The following PEX7 variants were observed in gnomAD, a reference collection of about 807,000 sequenced individuals.
The protein encoded by PEX7 is peroxisomal biogenesis factor 7, also known as PTS2 receptor.
A neutral mutation model predicts 47.5 loss-of-function variants in PEX7; 34 were observed. That is an observed-to-expected ratio of 0.72 (90% CI 0.54 to 0.95). PEX7 has a LOEUF of 0.95. Ranked by LOEUF, PEX7 falls within the 40% of genes least tolerant of loss-of-function variation. The pLI, the probability that PEX7 is intolerant of heterozygous loss-of-function variation, is 0.00. For missense variants in PEX7, 394 were observed against 400.3 expected, an observed-to-expected ratio of 0.98 and a Z score of 0.13; for synonymous variants, 141 against 148.8, an observed-to-expected ratio of 0.95 and a Z score of 0.38.
intron 3 of PEX7, among the ~76,000 whole-genome samples, chr6:136,836,009 T>C (rs1465261682): frequency 6.6e-6 from 1 of 152,194 alleles, no homozygotes; most frequent in African/African-American, 2.4e-5. Context: ...ACAGTGTAGG[T>C]GTCAACACTA....
chr6:136,866,531 C>A, intron 5 of PEX7, 96 bp from the exon 6 acceptor site: 2 of 963,328 alleles, frequency 2.1e-6, no homozygotes, highest in Non-Finnish European at 3.3e-6. Context: ...ACACTGAAAG[C>A]AGTGTATTTT....
chr6:136,853,370 A>G (rs972150950), intron 5 of PEX7, among the ~76,000 whole-genome samples: 1 of 152,202 alleles, frequency 6.6e-6, no homozygotes, highest in Non-Finnish European at 1.5e-5. Flanking sequence ...TAGAGAACAG[A>G]AGACATTAGC....
chr6:136,834,607 T>C (rs1249165751), intron 3 of PEX7, among the ~76,000 whole-genome samples: 3 of 152,232 alleles, frequency 2.0e-5, no homozygotes, highest in East Asian at 1.9e-4. Context: ...TGTCCTTTGA[T>C]GTGCCTGGAG....
chr6:136,841,390 A>C (rs9494580), intron 3 of PEX7, among the ~76,000 whole-genome samples: 2,441 of 151,916 alleles, frequency 0.016, 75 homozygotes, highest in African/African-American at 0.056. Context: ...AGTGTTCACT[A>C]CCCCCGATCC....
chr6:136,879,964 G>A (rs891441449), intron 8 of PEX7, among the ~76,000 whole-genome samples: 1 of 152,056 alleles, frequency 6.6e-6, no homozygotes, highest in Non-Finnish European at 1.5e-5. Context: ...CTTCAGTTCA[G>A]TCAGGTCTGT....
intron 5 of PEX7, among the ~76,000 whole-genome samples, chr6:136,853,271 C>T (rs1372633362): frequency 6.6e-6 from 1 of 152,102 alleles, no homozygotes. Context: ...CGCCTGTGGC[C>T]CTTGACAGAA....
chr6:136,909,158 T>C (rs1031521689), intron 9 of PEX7, among the ~76,000 whole-genome samples: 1 of 152,216 alleles, frequency 6.6e-6, no homozygotes. Flanking sequence ...CAGAGGAGGT[T>C]CTTAATAAGT....
chr6:136,834,020 CAAAA>C (rs893503649), intron 3 of PEX7, among the ~76,000 whole-genome samples: 2 of 151,600 alleles, frequency 1.3e-5, no homozygotes, highest in Admixed American at 6.6e-5. Context: ...ACAACAACAA[CAAAA>C]AAAACAACCA....
chr6:136,830,031 A>C, intron 3 of PEX7: 1 of 716,382 alleles, frequency 1.4e-6, no homozygotes, highest in Non-Finnish European at 2.6e-6. Flanking sequence ...CTGTGTTGTG[A>C]AATAGAAGAG....
chr6:136,827,955 T>A, intron 3 of PEX7, among the ~76,000 whole-genome samples: 1 of 152,188 alleles, frequency 6.6e-6, no homozygotes, highest in South Asian at 2.1e-4. Context: ...TTATAATGTA[T>A]TTCTTTTCCT....
chr6:136,824,167 A>G (rs968157772), intron 1 of PEX7, among the ~76,000 whole-genome samples: 5 of 152,192 alleles, frequency 3.3e-5, no homozygotes, highest in Admixed American at 3.3e-4. Context: ...CTGAAGACTC[A>G]TGAGTCTATA....
intron 3 of PEX7, among the ~76,000 whole-genome samples, chr6:136,845,098 G>A (rs924682511): frequency 8.5e-5 from 13 of 152,200 alleles, no homozygotes; most frequent in African/African-American, 2.7e-4. Context: ...TTCACTGAGA[G>A]CAGTGAAGCA....
chr6:136,829,765 C>G (rs1413902661), intron 3 of PEX7, among the ~76,000 whole-genome samples: 1 of 152,076 alleles, frequency 6.6e-6, no homozygotes, highest in Admixed American at 6.5e-5. Flanking sequence ...GGCGAAAACC[C>G]CGCCTCTACT....
In PEX7 at chr6:136,841,048, T is replaced by A. The variant is rs575233793; in HGVS notation, c.340-4567T>A. On this transcript the variant is annotated intron_variant, in intron 3 of 9. Coordinates refer to ENST00000318471, the MANE Select transcript of PEX7 (RefSeq NM_000288.4). ...TGTTTGCTGCTGCTAAAATATAAGATCCATGGGGGCTGGTCTTATCTAAAA... is the reference window on the plus strand; with the variant it reads ...TGTTTGCTGCTGCTAAAATATAAGAACCATGGGGGCTGGTCTTATCTAAAA... 5.9e-5 allele frequency among the ~76,000 whole-genome samples: 9 copies of A among 152,356 alleles called. No homozygotes were observed. The South Asian group carries it at 1.9e-3, about 32-fold the overall frequency.
intron 3 of PEX7, 107 bp downstream of exon 3, chr6:136,826,576 A>G: frequency 7.7e-7 from 1 of 1,306,216 alleles, no homozygotes; most frequent in East Asian, 2.4e-5. Context: ...ACAAGTTTAA[A>G]CGTTAGCATT....
At chr6:136,906,963 G>A (rs148984183) in intron 9 of PEX7, among the ~76,000 whole-genome samples, 5 of 152,212 alleles carry the variant, frequency 3.3e-5, no homozygotes, top group African/African-American at 7.2e-5. Flanking sequence ...AGTGTAATCC[G>A]TTTTCCTTTT....
At position 136,826,310 on chromosome 6, in the gene PEX7, C is replaced by T. The variant is rs1302211877; in HGVS notation, c.189-9C>T. On this transcript the variant is annotated splice_polypyrimidine_tract_variant and intron_variant, in intron 2 of 9. Transcript: ENST00000318471. Reference sequence around the variant, plus strand: ...GTATTTTTTTGTTGTTTGTTTTTTCCTAGTGTAGCTTTGACTGGAATGATG... The same window carrying T: ...GTATTTTTTTGTTGTTTGTTTTTTCTTAGTGTAGCTTTGACTGGAATGATG... The T allele has an allele frequency of 6.2e-7, 1 of 1,613,194 alleles. No individual in the cohort carries two copies. The highest frequency in any genetic ancestry group is 2.2e-5 in the East Asian group (1 of 44,862).
At chr6:136,855,829 G>T (rs1157256069) in intron 5 of PEX7, 4 of 267,060 alleles carry the variant, frequency 1.5e-5, no homozygotes, top group Non-Finnish European at 2.9e-5. Context: ...TGGAAAGAGG[G>T]TATTGATTTG....
At chr6:136,848,999 T>A (rs1582747003) in intron 5 of PEX7, among the ~76,000 whole-genome samples, 1 of 152,310 alleles carries the variant, frequency 6.6e-6, no homozygotes, top group East Asian at 1.9e-4. Flanking sequence ...TCTTGGTTGG[T>A]AGGCTATTAA....
Sources: allele counts gnomAD v4.1 joint callset (sites outside exome capture counted in the v4.1 genomes callset), GRCh38; gene constraint gnomAD v4.1.1; transcripts MANE v1.5; gene names NCBI Gene and HGNC (gene_info 2026-07-23, HGNC 2026-07-21).